The following PDE4D variants were observed in gnomAD, a reference collection of about 807,000 sequenced individuals.
PDE4D encodes the protein 3',5'-cyclic-AMP phosphodiesterase 4D.
Under a neutral mutation model 87.4 loss-of-function variants are expected in PDE4D, and 24 were observed. The ratio of observed to expected loss-of-function variants is 0.27; its 90% CI spans 0.20 to 0.39. PDE4D has a LOEUF of 0.39. Among genes scored for constraint, PDE4D ranks in the 10% least tolerant of loss-of-function variants. PDE4D has a pLI of 1.00. For missense variants in PDE4D, 714 were observed against 1,041.0 expected (o/e 0.69, Z 4.32); for synonymous variants, 384 against 383.2 (o/e 1.00, Z -0.02).
chr5:60,440,016 T>C (rs1745076113), intron 1 of PDE4D, among the ~76,000 whole-genome samples: 1 of 152,002 alleles, frequency 6.6e-6, no homozygotes, highest in Admixed American at 6.6e-5. Flanking sequence ...CTTCAACCCA[T>C]GGTACTTTCT....
At chr5:59,888,448 C>T (rs900407154) in intron 1 of PDE4D, among the ~76,000 whole-genome samples, 1 of 151,862 alleles carries the variant, frequency 6.6e-6, no homozygotes, top group African/African-American at 2.4e-5. Flanking sequence ...CTATTGGAGG[C>T]AAATCAAGAA....
intron 5 of PDE4D, among the ~76,000 whole-genome samples, chr5:59,045,556 C>CAAAAAA (rs36051277): frequency 5.6e-5 from 4 of 70,968 alleles, no homozygotes; most frequent in Non-Finnish European, 1.1e-4. Flanking sequence ...AACTCTGTCT[C>CAAAAAA]AAAAAAAAAA....
At chr5:60,139,369 C>T (rs200566122) in intron 2 of PDE4D, among the ~76,000 whole-genome samples, 1 of 152,016 alleles carries the variant, frequency 6.6e-6, no homozygotes, top group African/African-American at 2.4e-5. Context: ...TTTTAATGTG[C>T]ATATTCCAAG....
At chr5:58,976,242 G>A in intron 13 of PDE4D, 108 bp downstream of exon 13, 1 of 1,209,848 alleles carries the variant, frequency 8.3e-7, no homozygotes, top group East Asian at 2.7e-5. Flanking sequence ...ATTGCTGAAA[G>A]TATAAGGTGG....
intron 6 of PDE4D, among the ~76,000 whole-genome samples, chr5:59,025,800 A>G (rs999223323): frequency 5.3e-5 from 8 of 152,264 alleles, no homozygotes; most frequent in Non-Finnish European, 1.2e-4. Flanking sequence ...TGGCAGCCGC[A>G]TCTTTGCCTC....
intron 1 of PDE4D, among the ~76,000 whole-genome samples, chr5:59,345,693 A>G (rs1779502342): frequency 6.6e-6 from 1 of 152,206 alleles, no homozygotes; most frequent in Non-Finnish European, 1.5e-5. Flanking sequence ...AGATGCCATC[A>G]CTGAAAATGG....
intron 1 of PDE4D, among the ~76,000 whole-genome samples, chr5:60,320,480 C>A (rs918503686): frequency 2.6e-5 from 4 of 152,158 alleles, no homozygotes; most frequent in Non-Finnish European, 5.9e-5. Context: ...GTGCACTGCA[C>A]CCACTGTCCT....
At chr5:60,088,448 T>C (rs1284896779) in intron 2 of PDE4D, among the ~76,000 whole-genome samples, 1 of 151,956 alleles carries the variant, frequency 6.6e-6, no homozygotes, top group East Asian at 1.9e-4. Flanking sequence ...AACTATTAAA[T>C]AATCTCAACA....
chr5:59,532,704 C>G (rs987211643), intron 1 of PDE4D, among the ~76,000 whole-genome samples: 3 of 152,130 alleles, frequency 2.0e-5, no homozygotes, highest in Admixed American at 6.5e-5. Flanking sequence ...ACAGTTCACT[C>G]CTCAGACTTT....
chr5:59,659,050 C>G (rs1379091071), intron 1 of PDE4D, among the ~76,000 whole-genome samples: 8 of 152,142 alleles, frequency 5.3e-5, no homozygotes, highest in Admixed American at 5.2e-4. Flanking sequence ...TAAGGTCAAG[C>G]CTTCTCTGTA....
chr5:60,160,319 G>T (rs1202916008), intron 2 of PDE4D, among the ~76,000 whole-genome samples: 1 of 152,092 alleles, frequency 6.6e-6, no homozygotes, highest in Non-Finnish European at 1.5e-5. Context: ...CTGCACAGGG[G>T]TTGGTACCAC....
At chr5:59,798,240 C>CTA (rs945399800) in intron 1 of PDE4D, among the ~76,000 whole-genome samples, 2 of 143,312 alleles carry the variant, frequency 1.4e-5, no homozygotes, top group African/African-American at 5.0e-5. Context: ...CTCTCTCTCT[C>CTA]TATATATAAA....
At chr5:59,563,739 T>G (rs905579917) in intron 1 of PDE4D, among the ~76,000 whole-genome samples, 7 of 152,190 alleles carry the variant, frequency 4.6e-5, no homozygotes, top group Admixed American at 4.6e-4. Flanking sequence ...GTATAAACCA[T>G]GCTCTTAGCC....
chr5:60,172,780 G>A (rs2149485000), intron 2 of PDE4D, among the ~76,000 whole-genome samples: 1 of 152,114 alleles, frequency 6.6e-6, no homozygotes, highest in East Asian at 1.9e-4. Context: ...TATCCCTGCA[G>A]AACTTTCTTA....
intron 1 of PDE4D, among the ~76,000 whole-genome samples, chr5:60,401,853 A>T (rs1184545983): frequency 1.3e-5 from 2 of 152,338 alleles, no homozygotes; most frequent in Admixed American, 6.5e-5. Flanking sequence ...ATAAACTGAA[A>T]CACTCTGTCT....
At chr5:59,090,807 CTT>C (rs61610340) in intron 5 of PDE4D, among the ~76,000 whole-genome samples, 14,359 of 106,186 alleles carry the variant, frequency 0.14, 711 homozygotes, top group African/African-American at 0.2. Context: ...TTTTCTTTTT[CTT>C]TTTTTTTTTT....
At chr5:60,202,616 ATG>A (rs1313158139) in intron 1 of PDE4D, among the ~76,000 whole-genome samples, 1 of 152,118 alleles carries the variant, frequency 6.6e-6, no homozygotes, top group Non-Finnish European at 1.5e-5. Flanking sequence ...GAAAATAAAT[ATG>A]TCCCAGTAGA....
chr5:59,452,438 T>C (rs1705383139), intron 1 of PDE4D, among the ~76,000 whole-genome samples: 2 of 152,086 alleles, frequency 1.3e-5, no homozygotes, highest in Admixed American at 1.3e-4. Context: ...TGAGGCAACT[T>C]AGGGGTTAGA....
intron 1 of PDE4D, among the ~76,000 whole-genome samples, chr5:59,340,386 T>G (rs1013877599): frequency 1.2e-4 from 19 of 152,174 alleles, no homozygotes; most frequent in African/African-American, 4.6e-4. Context: ...GTGAAATTAA[T>G]GTATTTACTT....
Sources: gnomAD v4.1 joint callset for allele counts (sites outside exome capture counted in the v4.1 genomes callset) on GRCh38, gnomAD v4.1.1 for gene constraint, MANE v1.5 for transcripts, NCBI Gene and HGNC (gene_info 2026-07-23, HGNC 2026-07-21) for gene names.